Variants in RAI1 observed in about 807,000 individuals in gnomAD.
RAI1 encodes the protein retinoic acid induced 1, also known as retinoic acid-induced protein 1.
Under a neutral mutation model 123.8 loss-of-function variants are expected in RAI1, and 9 were observed. That is an observed-to-expected ratio of 0.07 (90% CI 0.04 to 0.13). The LOEUF is 0.13. RAI1 is among the 10% of genes least tolerant of loss of function. The probability of loss-of-function intolerance (pLI) is 1.00; values close to 1 mark genes in which losing one functional copy is unlikely to be tolerated. For missense variants in RAI1, 2,256 were observed against 2,545.8 expected (o/e 0.89, Z 2.45); for synonymous variants, 1,231 against 1,127.3 (o/e 1.09, Z -1.84).
At position 17,810,266 on chromosome 17, in the gene RAI1, C is replaced by A. The variant is rs2032710055; in HGVS notation, c.*285C>A. 6.0e-6 allele frequency: 3 copies of A among 498,998 alleles called. No individual in the cohort carries two copies. The Admixed American group carries it at 1.2e-4, about 19-fold the overall frequency. 30.9% of individuals were successfully genotyped at this position (498,998 alleles called of 1,614,324 possible). On this transcript the variant is annotated 3_prime_UTR_variant, in exon 6 of 6. Coordinates refer to ENST00000353383, the MANE Select transcript of RAI1 (RefSeq NM_030665.4). The surrounding 1 kb of genome is among the most constrained non-coding windows in gnomAD (Gnocchi z 4.6). ...GCCAGGCTTGCGGAGGGGGAGCCCG[C>A]GGAGCGGCCAGACTCCCCGGGGCGC...
In RAI1 at chr17:17,809,323, A is replaced by G. The variant is rs367751100; in HGVS notation, c.5660-67A>G. 1.2e-4 allele frequency: 164 copies of G among 1,417,844 alleles called. No individual in the cohort carries two copies. Among genetic ancestry groups the G allele is most frequent in the Non-Finnish European group, 1.4e-4 (141 of 1,002,066 alleles). The allele number at this position is 1,417,844 out of a possible 1,614,324, so 87.8% of individuals were successfully genotyped here. On this transcript the variant is annotated intron_variant, in intron 4 of 5. Transcript: ENST00000353383. The surrounding 1 kb of genome is among the most constrained non-coding windows in gnomAD (Gnocchi z 4.9). ...GCAGTGCGGCTCCCCTCCTGGCTGC[A>G]GACAAAACCCCACAGCTGTGGGGCC... is the stretch of plus-strand genomic sequence containing the variant.
intron 1 of RAI1, among the ~76,000 whole-genome samples, chr17:17,703,265 AGCCGC>A (rs1207221985): frequency 6.6e-6 from 1 of 152,176 alleles, no homozygotes; most frequent in East Asian, 1.9e-4. Context: ...TCAGGAGGAC[AGCCGC>A]GCCCCCTACT....
At position 17,793,248 on chromosome 17, in the gene RAI1, C is replaced by T. The variant is rs1489836583; in HGVS notation, c.300C>T (p.Tyr100=). The change falls in exon 3 of 6, where the codon TAC becomes TAT. Residue 100 remains tyrosine, a synonymous_variant. Coordinates refer to ENST00000353383, the MANE Select transcript of RAI1 (RefSeq NM_030665.4). ...AGGGGAGGCCGGCTTTCCCTGGCTACGGCGTCCAGGACAGCAGCCCCTACC... is the reference window on the plus strand; with the variant it reads ...AGGGGAGGCCGGCTTTCCCTGGCTATGGCGTCCAGGACAGCAGCCCCTACC... ...GLQGRPAFPG[Y]GVQDSSPYPG... The T allele has an allele frequency of 7.4e-6, 12 of 1,611,316 alleles. No homozygotes were observed. Among genetic ancestry groups the T allele is most frequent in the Middle Eastern group, 1.7e-4 (1 of 6,016 alleles).
At chr17:17,730,202 C>T (rs1385031511) in intron 2 of RAI1, among the ~76,000 whole-genome samples, 2 of 152,248 alleles carry the variant, frequency 1.3e-5, no homozygotes, top group East Asian at 3.8e-4. Flanking sequence ...TATCTGCCTT[C>T]CTCCTAAATA....
chr17:17,715,922 G>A (rs1915699977), intron 1 of RAI1, among the ~76,000 whole-genome samples: 1 of 152,226 alleles, frequency 6.6e-6, no homozygotes, highest in African/African-American at 2.4e-5. Flanking sequence ...TGTCAGGAGT[G>A]GAGGAGTGCT....
intron 2 of RAI1, among the ~76,000 whole-genome samples, chr17:17,771,313 A>G (rs2142995199): frequency 6.6e-6 from 1 of 152,358 alleles, no homozygotes; most frequent in Non-Finnish European, 1.5e-5. Context: ...TCATTCAGCA[A>G]ATGTGGCCCA....
intron 1 of RAI1, among the ~76,000 whole-genome samples, chr17:17,700,436 G>T (rs1006911813): frequency 6.6e-6 from 1 of 151,814 alleles, no homozygotes; most frequent in East Asian, 1.9e-4. Flanking sequence ...GCGTTCGCGC[G>T]CAGCCCCTGC....
chr17:17,700,796 AACCGCGCCGGC>A (rs1915196286), intron 1 of RAI1, among the ~76,000 whole-genome samples: 1 of 149,794 alleles, frequency 6.7e-6, no homozygotes, highest in African/African-American at 2.5e-5. Flanking sequence ...CCCGGCGTTC[AACCGCGCCGGC>A]TTCGTGCTCC....
intron 2 of RAI1, among the ~76,000 whole-genome samples, chr17:17,732,890 A>C (rs998730028): frequency 6.6e-6 from 1 of 152,182 alleles, no homozygotes; most frequent in African/African-American, 2.4e-5. Flanking sequence ...GCTTGAGCAC[A>C]TAGGCCAGAG....
chr17:17,768,558 G>A (rs1425285348), intron 2 of RAI1, among the ~76,000 whole-genome samples: 4 of 152,184 alleles, frequency 2.6e-5, no homozygotes, highest in Non-Finnish European at 4.4e-5. Flanking sequence ...CCAGACATAG[G>A]GCCAGGCAGT....
intron 2 of RAI1, among the ~76,000 whole-genome samples, chr17:17,757,345 A>C (rs1471608484): frequency 1.3e-5 from 2 of 152,178 alleles, no homozygotes; most frequent in African/African-American, 4.8e-5. Context: ...CCAGATCAGG[A>C]GGCAGTGTGG....
rs539433443 is a variant in RAI1 at position 17,794,280 on chromosome 17, C to T, written c.1332C>T (p.Asn444=). 1.8e-4 allele frequency: 286 copies of T among 1,613,290 alleles called. 7 individuals carry two copies. In the South Asian group the frequency reaches 3.1e-3, roughly 18 times the overall value. Residue 444 remains asparagine, a synonymous_variant, in exon 3 of 6, where the codon AAC becomes AAT. Transcript: ENST00000353383. The part of the protein sequence containing the change: ...SLTALTSQVE[N]ISNTVQQLLL... ...CGGCGCTGACCTCACAGGTGGAGAA[C>T]ATCTCCAACACCGTCCAGCAGCTGC...
chr17:17,698,663 G>A (rs1915114307), intron 1 of RAI1, among the ~76,000 whole-genome samples: 1 of 152,254 alleles, frequency 6.6e-6, no homozygotes, highest in African/African-American at 2.4e-5. Context: ...CAGCTCAGCT[G>A]TGGAGGCATT....
chr17:17,695,413 G>T (rs1352387322), intron 1 of RAI1, among the ~76,000 whole-genome samples: 1 of 152,114 alleles, frequency 6.6e-6, no homozygotes, highest in African/African-American at 2.4e-5. Context: ...CTGCCCTGGG[G>T]GAGCCTCTTC....
rs766931663 is a variant in RAI1, at chr17:17,793,756, C to A, written c.808C>A (p.Gln270Lys). Reference protein sequence around the residue: ...GQRVQNLHAYQSGRLSYDQQQ... With the variant: ...GQRVQNLHAYKSGRLSYDQQQ... ...GCGGGTCCAGAATCTTCATGCCTACCAGTCGGGCCGCCTCAGCTATGACCA... is the reference window on the plus strand; with the variant it reads ...GCGGGTCCAGAATCTTCATGCCTACAAGTCGGGCCGCCTCAGCTATGACCA... The change falls in exon 3 of 6, where the codon CAG (glutamine) becomes AAG (lysine). Residue 270 changes from glutamine to lysine, a missense_variant. Physicochemically the swap from Gln to Lys is moderately conservative, Grantham distance 53. This residue lies in a region of RAI1 where 357 missense variants were observed against 480.2 expected (regional missense o/e 0.74). Coordinates refer to ENST00000353383, the MANE Select transcript of RAI1 (RefSeq NM_030665.4). 6.2e-7 allele frequency: 1 copy of A among 1,611,990 alleles called. No individual in the cohort carries two copies. Among genetic ancestry groups the A allele is most frequent in the Non-Finnish European group, 8.5e-7 (1 of 1,179,938 alleles).
At chr17:17,780,520 G>A (rs1222072509) in intron 2 of RAI1, among the ~76,000 whole-genome samples, 1 of 152,144 alleles carries the variant, frequency 6.6e-6, no homozygotes, top group Admixed American at 6.5e-5. Context: ...ACCCCTCAGG[G>A]CCTAGGACAG....
intron 1 of RAI1, among the ~76,000 whole-genome samples, chr17:17,699,428 TC>T (rs1318155826): frequency 1.3e-5 from 2 of 152,212 alleles, no homozygotes; most frequent in Non-Finnish European, 2.9e-5. Flanking sequence ...GAAGAATTAG[TC>T]CCCTATTTTG....
At chr17:17,729,526 C>A (rs759670065) in intron 2 of RAI1, among the ~76,000 whole-genome samples, 1 of 152,200 alleles carries the variant, frequency 6.6e-6, no homozygotes, top group Non-Finnish European at 1.5e-5. Flanking sequence ...CAAGTGAGAT[C>A]GCTGGCCACG....
In RAI1 at chr17:17,793,832, G is replaced by A. The variant is rs1205831198; in HGVS notation, c.884G>A (p.Ser295Asn). Residue 295 changes from serine to asparagine, a missense_variant, in exon 3 of 6, where the codon AGC becomes AAC. This residue lies in a region of RAI1 where 357 missense variants were observed against 480.2 expected (regional missense o/e 0.74). Transcript: ENST00000353383. ...CAGCAGCAGCAGCAAGCCCTTCAGA[G>A]CCGGCACCATGCCCAGGAAACCCTC... ...QQQQQQQALQSRHHAQETLHY... is the reference protein window; with the variant it reads ...QQQQQQQALQNRHHAQETLHY... 1.1e-5 allele frequency: 18 copies of A among 1,612,644 alleles called. No homozygotes were observed. Among genetic ancestry groups the A allele is most frequent in the Non-Finnish European group, 1.5e-5 (18 of 1,179,612 alleles).
Sources: allele counts gnomAD v4.1 joint callset (sites outside exome capture counted in the v4.1 genomes callset), GRCh38; gene constraint gnomAD v4.1.1; regional missense constraint gnomAD v4.1.1; non-coding constraint Gnocchi (gnomAD v3.1); transcripts MANE v1.5; gene names NCBI Gene and HGNC (gene_info 2026-07-23, HGNC 2026-07-21).